COL26A1: variants seen among roughly 807,000 people sequenced by gnomAD.
COL26A1 encodes collagen alpha-1(XXVI) chain.
A neutral mutation model predicts 59.3 loss-of-function variants in COL26A1; 41 were observed. The ratio of observed to expected loss-of-function variants is 0.69; its 90% CI spans 0.54 to 0.90. The LOEUF (loss-of-function observed/expected upper bound fraction) is 0.90. COL26A1 is among the 40% of genes least tolerant of loss of function. The pLI, the probability that COL26A1 is intolerant of heterozygous loss-of-function variation, is 0.00. For synonymous variants in COL26A1, 266 were observed against 256.0 expected (o/e 1.04, Z -0.37); for missense variants, 612 against 602.3 (o/e 1.02, Z -0.17).
At chr7:101,455,629 G>T (rs1163108977) in intron 3 of COL26A1, among the ~76,000 whole-genome samples, 1 of 148,970 alleles carries the variant, frequency 6.7e-6, no homozygotes, top group African/African-American at 2.5e-5. Context: ...CAGCCTCCCA[G>T]GTAGCTGGGA....
chr7:101,525,175 T>A (rs1258973305), intron 3 of COL26A1, among the ~76,000 whole-genome samples: 2 of 90,434 alleles, frequency 2.2e-5, no homozygotes, highest in African/African-American at 9.6e-5. Context: ...TTCATTCTTT[T>A]TTTTTTTTTT....
intron 10 of COL26A1, among the ~76,000 whole-genome samples, chr7:101,552,486 G>T (rs1233653545): frequency 2.0e-5 from 3 of 152,162 alleles, no homozygotes; most frequent in Non-Finnish European, 2.9e-5. Flanking sequence ...TTGTGGTGGT[G>T]CGTGCCCATA....
intron 3 of COL26A1, among the ~76,000 whole-genome samples, chr7:101,530,566 TAAAA>T (rs558473831): frequency 2.1e-4 from 19 of 90,226 alleles, no homozygotes; most frequent in South Asian, 3.8e-4. Flanking sequence ...ACTCTGTCTT[TAAAA>T]AAAAAAAAAA....
chr7:101,504,120 G>A (rs371267948), intron 3 of COL26A1, among the ~76,000 whole-genome samples: 2 of 151,722 alleles, frequency 1.3e-5, no homozygotes, highest in African/African-American at 2.4e-5. Context: ...TTTTCTTTGG[G>A]GACACAGTCT....
intron 3 of COL26A1, among the ~76,000 whole-genome samples, chr7:101,525,526 T>C (rs1387736706): frequency 7.0e-6 from 1 of 142,230 alleles, no homozygotes; most frequent in African/African-American, 2.6e-5. Flanking sequence ...AGATGGAGTC[T>C]CTCTCTGTCA....
chr7:101,428,434 A>C (rs979572971), intron 2 of COL26A1, among the ~76,000 whole-genome samples: 1 of 152,110 alleles, frequency 6.6e-6, no homozygotes, highest in African/African-American at 2.4e-5. Context: ...CATGCATCGT[A>C]AATGATGCGG....
At chr7:101,465,555 G>A (rs1049322094) in intron 3 of COL26A1, among the ~76,000 whole-genome samples, 7 of 152,016 alleles carry the variant, frequency 4.6e-5, no homozygotes, top group Middle Eastern at 3.2e-3. Context: ...TCAGTCGGGC[G>A]TGGTGGTGCA....
At chr7:101,370,143 G>A (rs951741365) in intron 1 of COL26A1, among the ~76,000 whole-genome samples, 9 of 152,092 alleles carry the variant, frequency 5.9e-5, no homozygotes, top group African/African-American at 1.7e-4. Context: ...TTACAGGCAT[G>A]AACCACCGCG....
intron 3 of COL26A1, among the ~76,000 whole-genome samples, chr7:101,461,968 G>A (rs1347293560): frequency 6.6e-6 from 1 of 151,160 alleles, no homozygotes; most frequent in South Asian, 2.1e-4. Flanking sequence ...GGTGAGTAGA[G>A]ATGGATGGGC....
intron 2 of COL26A1, among the ~76,000 whole-genome samples, chr7:101,428,891 G>T (rs576506044): frequency 1.3e-5 from 2 of 151,498 alleles, no homozygotes; most frequent in South Asian, 4.2e-4. Flanking sequence ...TATGTTTGAT[G>T]CAATCTAATT....
intron 1 of COL26A1, among the ~76,000 whole-genome samples, chr7:101,376,576 T>G (rs1252288979): frequency 6.6e-6 from 1 of 151,840 alleles, no homozygotes; most frequent in East Asian, 1.9e-4. Context: ...GTTTCGGACC[T>G]TCTCCTGTAG....
chr7:101,461,386 C>T (rs1380275715), intron 3 of COL26A1, among the ~76,000 whole-genome samples: 4 of 151,978 alleles, frequency 2.6e-5, no homozygotes, highest in African/African-American at 9.7e-5. Context: ...GCAACCTCCG[C>T]CTCCCGGGTT....
intron 4 of COL26A1, among the ~76,000 whole-genome samples, chr7:101,537,878 A>AC (rs1018937422): frequency 1.3e-5 from 2 of 150,914 alleles, no homozygotes; most frequent in African/African-American, 2.4e-5. Context: ...CCTTGGGACC[A>AC]CCCCCTGTTA....
intron 2 of COL26A1, among the ~76,000 whole-genome samples, chr7:101,428,451 A>G (rs1739566342): frequency 6.6e-6 from 1 of 152,074 alleles, no homozygotes; most frequent in South Asian, 2.1e-4. Context: ...GCGGGTATTC[A>G]GGGAGGAAAA....
intron 4 of COL26A1, among the ~76,000 whole-genome samples, chr7:101,534,008 C>T (rs111693307): frequency 0.11 from 17,350 of 152,228 alleles, 1,217 homozygotes; most frequent in Middle Eastern, 0.22. Flanking sequence ...GGACAAGCCC[C>T]GTTCTCACCC....
chr7:101,534,610 TACAC>T (rs370780560), intron 4 of COL26A1, among the ~76,000 whole-genome samples: 4,406 of 151,218 alleles, frequency 0.029, 208 homozygotes, highest in African/African-American at 0.1. Flanking sequence ...CAGGCATACA[TACAC>T]ACACACACAA....
intron 3 of COL26A1, among the ~76,000 whole-genome samples, chr7:101,528,455 T>G (rs1266929550): frequency 6.6e-6 from 1 of 151,804 alleles, no homozygotes; most frequent in Admixed American, 6.6e-5. Context: ...GCCCCAAGGG[T>G]GGGGTGGTGT....
intron 3 of COL26A1, among the ~76,000 whole-genome samples, chr7:101,502,860 GC>G (rs2130563592): frequency 6.6e-6 from 1 of 152,312 alleles, no homozygotes; most frequent in East Asian, 1.9e-4. Flanking sequence ...TCCCGGGGCT[GC>G]CTGGCTCTGT....
At chr7:101,425,169 G>A (rs1456773594) in intron 2 of COL26A1, among the ~76,000 whole-genome samples, 1 of 147,946 alleles carries the variant, frequency 6.8e-6, no homozygotes, top group African/African-American at 2.4e-5. Flanking sequence ...GGTGGATCAC[G>A]AGGTCAGCAG....
Sources: gnomAD v4.1 joint callset for allele counts (sites outside exome capture counted in the v4.1 genomes callset) on GRCh38, gnomAD v4.1.1 for gene constraint, MANE v1.5 for transcripts, NCBI Gene and HGNC (gene_info 2026-07-23, HGNC 2026-07-21) for gene names.